The following UBXN8 variants were observed in gnomAD, a reference collection of about 807,000 sequenced individuals.
The protein encoded by UBXN8 is UBX domain protein 8.
Under a neutral mutation model 32.1 loss-of-function variants are expected in UBXN8, and 27 were observed. The observed-to-expected ratio is 0.84, with a 90% CI of 0.62 to 1.16. UBXN8 has a LOEUF of 1.16. Among genes scored for constraint, UBXN8 ranks in the 50% most tolerant of loss-of-function variants. The pLI is 0.00. For synonymous variants in UBXN8, 109 were observed against 111.8 expected (o/e 0.98, Z 0.16); for missense variants, 306 against 311.4 (o/e 0.98, Z 0.13).
At chr8:30,759,046 A>G (rs1805754743) in intron 5 of UBXN8, among the ~76,000 whole-genome samples, 1 of 150,466 alleles carries the variant, frequency 6.6e-6, no homozygotes, top group Non-Finnish European at 1.5e-5. Context: ...GGTGCCCGCC[A>G]CCACGCCCGG....
upstream of UBXN8, among the ~76,000 whole-genome samples, chr8:30,741,928 C>G (rs989100995): frequency 1.2e-4 from 19 of 152,122 alleles, no homozygotes; most frequent in Admixed American, 1.0e-3. Flanking sequence ...TTAGGAACTG[C>G]CTTTTGTAGT....
chr8:30,731,400 G>C (rs985900035), upstream of UBXN8, among the ~76,000 whole-genome samples: 15 of 152,172 alleles, frequency 9.9e-5, no homozygotes, highest in Admixed American at 8.5e-4. Flanking sequence ...CAAGCTTTCT[G>C]CTTGCCCCGG....
At chr8:30,753,379 C>G (rs1023626070) in intron 3 of UBXN8, among the ~76,000 whole-genome samples, 1 of 152,178 alleles carries the variant, frequency 6.6e-6, no homozygotes, top group Non-Finnish European at 1.5e-5. Flanking sequence ...GCCTCTGCCT[C>G]CCGAGTAGCT....
intron 1 of UBXN8, among the ~76,000 whole-genome samples, chr8:30,746,667 C>T (rs1298034672): frequency 1.4e-5 from 2 of 138,042 alleles, no homozygotes; most frequent in Non-Finnish European, 3.1e-5. Flanking sequence ...GGACTACAGG[C>T]ATGCACCACC....
chr8:30,749,019 C>T (rs1476788716), intron 1 of UBXN8, among the ~76,000 whole-genome samples: 5 of 152,144 alleles, frequency 3.3e-5, no homozygotes, highest in Non-Finnish European at 7.3e-5. Flanking sequence ...TTTCCTGTCC[C>T]TCAACATTTG....
upstream of UBXN8, among the ~76,000 whole-genome samples, chr8:30,741,569 A>G (rs1309735557): frequency 6.9e-6 from 1 of 145,036 alleles, no homozygotes; most frequent in Non-Finnish European, 1.5e-5. Context: ...CTGGTACCTC[A>G]GCCTCCCGAG....
chr8:30,733,048 G>A (rs990543851), exon 1 of UBXN8: 3 of 152,252 alleles, frequency 2.0e-5, no homozygotes, highest in African/African-American at 7.2e-5. Flanking sequence ...GTATCAGAGA[G>A]CCCTGTTGAG....
In UBXN8 at chr8:30,753,081, A is replaced by C; in HGVS notation, c.258A>C (p.Lys86Asn). Residue 86 changes from lysine to asparagine, a missense_variant, in exon 3 of 8, where the codon AAA becomes AAC. Transcript: ENST00000265616. ...NEKRQKLVRKKQQEAQGEKAS... is the reference protein window; with the variant it reads ...NEKRQKLVRKNQQEAQGEKAS... ...AAAGACAAAAACTTGTGAGAAAAAA[A>C]CAACAAGAAGCACAAGGAGAGAAGG... The C allele has an allele frequency of 6.5e-7, 1 of 1,532,562 alleles. No homozygotes were observed. The highest frequency in any genetic ancestry group is 8.8e-7 in the Non-Finnish European group (1 of 1,140,936). 94.9% of individuals were successfully genotyped at this position (1,532,562 alleles called of 1,614,324 possible).
chr8:30,742,976 T>C (rs1805245209), upstream of UBXN8, among the ~76,000 whole-genome samples: 1 of 152,132 alleles, frequency 6.6e-6, no homozygotes, highest in Non-Finnish European at 1.5e-5. Flanking sequence ...AATATTTGAA[T>C]ATCCAAGAGT....
At chr8:30,740,672 C>G (rs990699324), upstream of UBXN8, among the ~76,000 whole-genome samples, 4 of 151,778 alleles carry the variant, frequency 2.6e-5, no homozygotes, top group African/African-American at 9.7e-5. Flanking sequence ...CTGCAGTGAG[C>G]TATGCTTGTG....
rs1411517825 is a variant in UBXN8 at position 30,752,931 on chromosome 8, T to C, written c.212-104T>C. ...GTGATGTGTTAGGGTCTCCCCATCA[T>C]AGACTTTAGATTTTTTTCTTTCTTT... On this transcript the variant is annotated intron_variant, in intron 2 of 7. Transcript: ENST00000265616. 6.8e-6 allele frequency: 9 copies of C among 1,317,252 alleles called. No individual in the cohort carries two copies. In the African/African-American group the frequency reaches 7.5e-5, roughly 11 times the overall value. 81.6% of individuals were successfully genotyped at this position (1,317,252 alleles called of 1,614,324 possible). A position where few individuals can be genotyped will look rare whatever the true frequency, so the allele number is the denominator to read the frequency against.
chr8:30,766,335 G>T lies in UBXN8; in HGVS notation c.754G>T (p.Asp252Tyr). 1.9e-6 allele frequency: 3 copies of T among 1,613,674 alleles called. No individual in the cohort carries two copies. Among genetic ancestry groups the T allele is most frequent in the South Asian group, 2.2e-5 (2 of 91,010 alleles). The change falls in exon 8 of 8, where the codon GAC becomes TAC. Residue 252 changes from aspartate to tyrosine, a missense_variant. Physicochemically the swap from Asp to Tyr is radical, Grantham distance 160. Coordinates refer to ENST00000265616, the MANE Select transcript of UBXN8 (RefSeq NM_005671.4). ...AGTGGAGGGAGGCCAGTCGCTGGAG[G>T]ACATAGGAATAACTGTGGACACTGT... ...LAVEGGQSLE[D>Y]IGITVDTVLI...
At chr8:30,765,546 A>G (rs183310630) in intron 7 of UBXN8, among the ~76,000 whole-genome samples, 3,196 of 151,548 alleles carry the variant, frequency 0.021, 47 homozygotes, top group Non-Finnish European at 0.03. Context: ...ATATATATAT[A>G]TGTGTGTGTG....
At position 30,766,308 on chromosome 8, in the gene UBXN8, G is replaced by A; in HGVS notation, c.727G>A (p.Ala243Thr). The change falls in exon 8 of 8, where the codon GCA becomes ACA. Residue 243 changes from alanine to threonine, a missense_variant. Physicochemically the swap from Ala to Thr is moderately conservative, Grantham distance 58. Coordinates refer to ENST00000265616, the MANE Select transcript of UBXN8 (RefSeq NM_005671.4). ...TACTTCCTTTCCCAGACGGCCTCTGGCAGTGGAGGGAGGCCAGTCGCTGGA... is the reference window on the plus strand; with the variant it reads ...TACTTCCTTTCCCAGACGGCCTCTGACAGTGGAGGGAGGCCAGTCGCTGGA... ...LSTSFPRRPL[A>T]VEGGQSLEDI... The A allele has an allele frequency of 6.2e-7, 1 of 1,613,890 alleles. No individual in the cohort carries two copies. The highest frequency in any genetic ancestry group is 8.5e-7 in the Non-Finnish European group (1 of 1,179,828).
At chr8:30,751,072 A>G (rs569147797) in intron 1 of UBXN8, among the ~76,000 whole-genome samples, 7 of 152,200 alleles carry the variant, frequency 4.6e-5, no homozygotes, top group Non-Finnish European at 5.9e-5. Flanking sequence ...GGATTTTGGT[A>G]TACTCAGGAG....
chr8:30,737,298 C>T (rs1018421437), intron 1 of UBXN8, among the ~76,000 whole-genome samples: 8 of 152,106 alleles, frequency 5.3e-5, no homozygotes, highest in East Asian at 1.9e-4. Flanking sequence ...CACTCTTACT[C>T]GGGGAAGCTG....
chr8:30,747,602 C>T (rs1481654845), intron 1 of UBXN8, among the ~76,000 whole-genome samples: 2 of 141,044 alleles, frequency 1.4e-5, no homozygotes, highest in Non-Finnish European at 3.1e-5. Context: ...TGAGCCACTG[C>T]GCCTGGCCTC....
chr8:30,766,422 T>A lies in UBXN8; in HGVS notation c.*28T>A. On this transcript the variant is annotated 3_prime_UTR_variant, in exon 8 of 8. Transcript: ENST00000265616. ...AAGAAGGGAGAGCTCCCTGTTTGCATGAAGTCAGTTATGCTATGACCTTCT... is the reference window on the plus strand; with the variant it reads ...AAGAAGGGAGAGCTCCCTGTTTGCAAGAAGTCAGTTATGCTATGACCTTCT... 2 of 1,550,954 alleles carry A rather than the reference T, an allele frequency of 1.3e-6. No individual in the cohort carries two copies. Among genetic ancestry groups the A allele is most frequent in the Non-Finnish European group, 8.7e-7 (1 of 1,145,266 alleles).
intron 1 of UBXN8, among the ~76,000 whole-genome samples, chr8:30,734,794 A>G (rs543356105): frequency 1.3e-5 from 2 of 152,186 alleles, no homozygotes; most frequent in East Asian, 1.9e-4. Flanking sequence ...AAAATTAAAA[A>G]TTAGTCAGGT....
Sources: allele counts gnomAD v4.1 joint callset (sites outside exome capture counted in the v4.1 genomes callset), GRCh38; gene constraint gnomAD v4.1.1; transcripts MANE v1.5; gene names NCBI Gene and HGNC (gene_info 2026-07-23, HGNC 2026-07-21).